ZNF469: variants seen among roughly 807,000 people sequenced by gnomAD.
The protein encoded by ZNF469 is zinc finger protein 469.
Under a neutral mutation model 1.0 loss-of-function variants are expected in ZNF469, and 1 was observed. The observed-to-expected ratio is 1.00, with a 90% CI of 0.35 to 4.73. ZNF469 has a LOEUF of 4.73. Ranked by LOEUF, ZNF469 falls within the 30% of genes most tolerant of loss-of-function variation. The pLI is 0.16. For synonymous variants in ZNF469, 2,703 were observed against 2,363.4 expected (o/e 1.14, Z -4.17); for missense variants, 6,100 against 5,356.3 (o/e 1.14, Z -4.33).
At chr16:88,196,862 C>T in the ZNF469 span, among the ~76,000 whole-genome samples, 1 of 152,236 alleles carries the variant, frequency 6.6e-6, no homozygotes, top group Non-Finnish European at 1.5e-5. Flanking sequence ...GCACACACCT[C>T]CATGAGCCCT....
the ZNF469 span, among the ~76,000 whole-genome samples, chr16:88,374,080 G>A: frequency 6.6e-6 from 1 of 152,142 alleles, no homozygotes; most frequent in South Asian, 2.1e-4. Context: ...TGTGTGGTGA[G>A]GAATGAAAGA....
At chr16:88,329,176 G>C in the ZNF469 span, among the ~76,000 whole-genome samples, 1 of 152,302 alleles carries the variant, frequency 6.6e-6, no homozygotes, top group African/African-American at 2.4e-5. Context: ...GAAGGTTCAT[G>C]AGCTGGGGAG....
chr16:88,240,423 C>G, the ZNF469 span, among the ~76,000 whole-genome samples: 315 of 152,240 alleles, frequency 2.1e-3, 6 homozygotes, highest in African/African-American at 7.0e-3. Context: ...TGACAGTTGC[C>G]CAGGGCTGCG....
chr16:88,277,547 A>G, the ZNF469 span, among the ~76,000 whole-genome samples: 1 of 150,154 alleles, frequency 6.7e-6, no homozygotes, highest in African/African-American at 2.5e-5. Context: ...CGCCACGCCG[A>G]CACTCGGTCA....
chr16:88,288,894 C>G, the ZNF469 span, among the ~76,000 whole-genome samples: 8 of 152,232 alleles, frequency 5.3e-5, no homozygotes, highest in African/African-American at 1.9e-4. Context: ...CTAAGGGCAA[C>G]AGTACCAGAA....
the ZNF469 span, among the ~76,000 whole-genome samples, chr16:88,169,931 C>T: frequency 1.3e-5 from 2 of 152,218 alleles, no homozygotes; most frequent in Non-Finnish European, 2.9e-5. The surrounding 1 kb of genome is among the most constrained non-coding windows in gnomAD (Gnocchi z 6.1). Flanking sequence ...TTTCGAGATG[C>T]ATTTCCCTAG....
At chr16:88,381,199 T>C (rs111072767), upstream of ZNF469, among the ~76,000 whole-genome samples, 48,673 of 94,764 alleles carry the variant, frequency 0.51, 10,947 homozygotes, top group East Asian at 0.7. Context: ...CACACATGCA[T>C]TCACAGACAC....
At chr16:88,208,812 CT>C in the ZNF469 span, among the ~76,000 whole-genome samples, 1 of 37,114 alleles carries the variant, frequency 2.7e-5, no homozygotes, top group Admixed American at 2.5e-4. Context: ...CACTCTCTCT[CT>C]CTCTCTCTCT....
chr16:88,306,758 G>A, the ZNF469 span, among the ~76,000 whole-genome samples: 1 of 152,222 alleles, frequency 6.6e-6, no homozygotes, highest in African/African-American at 2.4e-5. Context: ...GACAGGCTCT[G>A]GCTTTATTCC....
the ZNF469 span, among the ~76,000 whole-genome samples, chr16:88,136,266 C>G: frequency 1.1e-4 from 16 of 152,308 alleles, no homozygotes; most frequent in South Asian, 2.1e-4. Flanking sequence ...GGCCCCTGCC[C>G]TCCTCCTCCT....
At chr16:88,387,464 G>A (rs2142262464) in intron 1 of ZNF469, among the ~76,000 whole-genome samples, 1 of 152,312 alleles carries the variant, frequency 6.6e-6, no homozygotes, top group South Asian at 2.1e-4. Context: ...CCACCCCCTT[G>A]GCTGCTTGCG....
the ZNF469 span, among the ~76,000 whole-genome samples, chr16:88,372,004 A>C: frequency 4.5e-4 from 33 of 73,014 alleles, no homozygotes; most frequent in Middle Eastern, 8.5e-3. Flanking sequence ...CACCATCATC[A>C]CCATCATCAC....
chr16:88,327,607 C>T, the ZNF469 span, among the ~76,000 whole-genome samples: 5 of 152,226 alleles, frequency 3.3e-5, no homozygotes, highest in Admixed American at 2.0e-4. Context: ...GGACAGGGCA[C>T]GTGCTCCGTA....
upstream of ZNF469, among the ~76,000 whole-genome samples, chr16:88,382,952 G>C (rs1412429720): frequency 2.0e-5 from 3 of 151,666 alleles, no homozygotes; most frequent in African/African-American, 4.8e-5. Flanking sequence ...CCCAGCCTCC[G>C]GGGGGCAGAC....
chr16:88,262,151 A>C, the ZNF469 span, among the ~76,000 whole-genome samples: 1 of 152,180 alleles, frequency 6.6e-6, no homozygotes, highest in Non-Finnish European at 1.5e-5. This position sits in a 1 kb window ranked among gnomAD's most constrained non-coding sequence, Gnocchi z 4.3. Flanking sequence ...TCCACTCAGC[A>C]TTAGTGAAGG....
the ZNF469 span, among the ~76,000 whole-genome samples, chr16:88,325,688 G>A: frequency 6.6e-6 from 1 of 152,246 alleles, no homozygotes; most frequent in Non-Finnish European, 1.5e-5. Context: ...CTAAGGGAAA[G>A]TGACTTGTTC....
the ZNF469 span, among the ~76,000 whole-genome samples, chr16:88,311,850 A>G: frequency 6.6e-6 from 1 of 152,020 alleles, no homozygotes; most frequent in African/African-American, 2.4e-5. Flanking sequence ...TTGTTCCTGA[A>G]GCTGCGTGCT....
the ZNF469 span, among the ~76,000 whole-genome samples, chr16:88,287,409 G>A: frequency 1.1e-4 from 17 of 152,206 alleles, no homozygotes; most frequent in Non-Finnish European, 2.2e-4. Flanking sequence ...GTGTACAACC[G>A]CACCAGCGGA....
At chr16:88,341,089 G>T in the ZNF469 span, among the ~76,000 whole-genome samples, 1 of 152,218 alleles carries the variant, frequency 6.6e-6, no homozygotes, top group African/African-American at 2.4e-5. Flanking sequence ...CTCCTGTGAA[G>T]GTCCAGTAGC....
Sources: gnomAD v4.1 joint callset for allele counts (sites outside exome capture counted in the v4.1 genomes callset) on GRCh38, gnomAD v4.1.1 for gene constraint, Gnocchi (gnomAD v3.1) non-coding constraint, MANE v1.5 for transcripts, NCBI Gene and HGNC (gene_info 2026-07-23, HGNC 2026-07-21) for gene names.